Variants in TNFSF4 observed in about 807,000 individuals in gnomAD.
TNFSF4 encodes TNF superfamily member 4, also known as tumor necrosis factor ligand superfamily member 4.
Under a neutral mutation model 7.3 loss-of-function variants are expected in TNFSF4, and 4 were observed. The ratio of observed to expected loss-of-function variants is 0.55; its 90% confidence interval spans 0.27 to 1.25. TNFSF4 has a LOEUF of 1.25. TNFSF4 is among the 50% of genes most tolerant of loss of function. The probability of loss-of-function intolerance (pLI) is 0.12; values close to 1 mark genes in which losing one functional copy is unlikely to be tolerated. For synonymous variants in TNFSF4, 76 were observed against 83.7 expected (o/e 0.91, Z 0.50); for missense variants, 181 against 208.8 (o/e 0.87, Z 0.82).
At chr1:173,322,500 TACCGG>T in the TNFSF4 span, among the ~76,000 whole-genome samples, 1 of 152,000 alleles carries the variant, frequency 6.6e-6, no homozygotes, top group Non-Finnish European at 1.5e-5. Context: ...CCAACTGAGG[TACCGG>T]GTTCATCTCA....
At chr1:173,368,407 G>A in the TNFSF4 span, among the ~76,000 whole-genome samples, 105,790 of 152,056 alleles carry the variant, frequency 0.7, 37,007 homozygotes, top group African/African-American at 0.77. Context: ...GGGCTCCTCC[G>A]GAATATTGCC....
the TNFSF4 span, among the ~76,000 whole-genome samples, chr1:173,280,453 G>A: frequency 6.6e-6 from 1 of 152,008 alleles, no homozygotes; most frequent in Non-Finnish European, 1.5e-5. Flanking sequence ...AATGGGTGGG[G>A]GCATGGGTGA....
At chr1:173,434,826 G>A in the TNFSF4 span, among the ~76,000 whole-genome samples, 1 of 152,242 alleles carries the variant, frequency 6.6e-6, no homozygotes, top group Non-Finnish European at 1.5e-5. Flanking sequence ...TTGGCAGACA[G>A]AAGAATATCC....
At chr1:173,386,445 C>T in the TNFSF4 span, among the ~76,000 whole-genome samples, 1 of 152,162 alleles carries the variant, frequency 6.6e-6, no homozygotes, top group African/African-American at 2.4e-5. Context: ...ACAGAAATCC[C>T]CCAACCAAGG....
chr1:173,443,199 G>A, the TNFSF4 span, among the ~76,000 whole-genome samples: 1 of 152,228 alleles, frequency 6.6e-6, no homozygotes, highest in Non-Finnish European at 1.5e-5. Context: ...GAAAGAATAA[G>A]TCAGAAACTT....
the TNFSF4 span, chr1:173,363,776 T>C: frequency 1.7e-5 from 3 of 174,234 alleles, no homozygotes; most frequent in Non-Finnish European, 3.6e-5. Flanking sequence ...GACATCTGGG[T>C]TCTCGTACTC....
chr1:173,351,228 C>G, the TNFSF4 span, among the ~76,000 whole-genome samples: 1 of 152,202 alleles, frequency 6.6e-6, no homozygotes, highest in Non-Finnish European at 1.5e-5. Flanking sequence ...TGGGCCTTCA[C>G]CCATTCTGTT....
At chr1:173,241,062 A>G in the TNFSF4 span, among the ~76,000 whole-genome samples, 1 of 152,166 alleles carries the variant, frequency 6.6e-6, no homozygotes, top group Non-Finnish European at 1.5e-5. Flanking sequence ...CCTTCTAGCC[A>G]TCTATCTCTT....
At chr1:173,403,543 T>G in the TNFSF4 span, among the ~76,000 whole-genome samples, 1 of 152,210 alleles carries the variant, frequency 6.6e-6, no homozygotes, top group East Asian at 1.9e-4. Context: ...TCTACATACG[T>G]AACAATTGAG....
the TNFSF4 span, among the ~76,000 whole-genome samples, chr1:173,395,025 TAGATAGATAGATGATAGATA>T: frequency 2.7e-3 from 336 of 123,888 alleles, 1 homozygote; most frequent in Non-Finnish European, 4.1e-3. Flanking sequence ...GATAGATAGA[TAGATAGATAGATGATAGATA>T]GATAGATAGA....
the TNFSF4 span, among the ~76,000 whole-genome samples, chr1:173,223,513 A>G: frequency 6.6e-6 from 1 of 152,184 alleles, no homozygotes; most frequent in Non-Finnish European, 1.5e-5. Flanking sequence ...TCCCAAGAAT[A>G]AAAATAGAGG....
the TNFSF4 span, among the ~76,000 whole-genome samples, chr1:173,422,099 G>T: frequency 6.6e-6 from 1 of 152,006 alleles, no homozygotes; most frequent in African/African-American, 2.4e-5. Context: ...AAAAAAAAGC[G>T]GCAACAAAGG....
the TNFSF4 span, among the ~76,000 whole-genome samples, chr1:173,383,229 C>A: frequency 6.6e-6 from 1 of 152,154 alleles, no homozygotes; most frequent in Non-Finnish European, 1.5e-5. Flanking sequence ...ACAAAGAATT[C>A]TTTGCCCAAA....
the TNFSF4 span, among the ~76,000 whole-genome samples, chr1:173,229,646 T>C: frequency 1.3e-5 from 2 of 152,000 alleles, no homozygotes; most frequent in African/African-American, 4.8e-5. Flanking sequence ...GCAAATTGGA[T>C]AAAGAGTCAA....
chr1:173,209,866 TA>T (rs1232790333), upstream of TNFSF4, among the ~76,000 whole-genome samples: 1 of 151,924 alleles, frequency 6.6e-6, no homozygotes, highest in Non-Finnish European at 1.5e-5. Context: ...AAATCAGCCT[TA>T]AAATAAAGCC....
chr1:173,413,579 C>A, the TNFSF4 span, among the ~76,000 whole-genome samples: 4 of 152,170 alleles, frequency 2.6e-5, no homozygotes, highest in Non-Finnish European at 5.9e-5. Flanking sequence ...ATAGAAGAGT[C>A]TAGTCCAGCA....
chr1:173,202,322 A>G (rs1257890784), intron 1 of TNFSF4, among the ~76,000 whole-genome samples: 1 of 152,186 alleles, frequency 6.6e-6, no homozygotes, highest in African/African-American at 2.4e-5. Flanking sequence ...ATCCCCATCC[A>G]AATTATTCTG....
the TNFSF4 span, among the ~76,000 whole-genome samples, chr1:173,231,309 A>G: frequency 2.0e-5 from 3 of 152,054 alleles, no homozygotes; most frequent in Non-Finnish European, 2.9e-5. Context: ...ATCAATAAAC[A>G]TATTCCAGCA....
the TNFSF4 span, among the ~76,000 whole-genome samples, chr1:173,447,610 A>T: frequency 1.3e-5 from 2 of 152,212 alleles, no homozygotes; most frequent in Non-Finnish European, 2.9e-5. Context: ...TAGAAGTGAA[A>T]AAAATACACT....
Sources: allele counts gnomAD v4.1 joint callset (sites outside exome capture counted in the v4.1 genomes callset), GRCh38; gene constraint gnomAD v4.1.1; transcripts MANE v1.5; gene names NCBI Gene and HGNC (gene_info 2026-07-23, HGNC 2026-07-21).